ABLIM3: variants seen among roughly 807,000 people sequenced by gnomAD.
ABLIM3 encodes actin binding LIM protein family member 3.
ABLIM3 carries 61 observed loss-of-function variants against 109.5 expected under a neutral mutation model. The ratio of observed to expected loss-of-function variants is 0.56; its 90% CI spans 0.45 to 0.69. The LOEUF (loss-of-function observed/expected upper bound fraction) is 0.69. Among genes scored for constraint, ABLIM3 ranks in the 30% least tolerant of loss-of-function variants. The pLI, the probability that ABLIM3 is intolerant of heterozygous loss-of-function variation, is 0.00. For synonymous variants in ABLIM3, 300 were observed against 324.8 expected (o/e 0.92, Z 0.82); for missense variants, 796 against 889.5 (o/e 0.89, Z 1.34).
At chr5:149,147,241 G>A (rs1251891461) in intron 2 of ABLIM3, among the ~76,000 whole-genome samples, 1 of 152,082 alleles carries the variant, frequency 6.6e-6, no homozygotes, top group Non-Finnish European at 1.5e-5. Context: ...TTTGTATCCT[G>A]AGACTTCACT....
At chr5:149,196,793 CT>C (rs1324042229) in intron 3 of ABLIM3, among the ~76,000 whole-genome samples, 1 of 152,230 alleles carries the variant, frequency 6.6e-6, no homozygotes, top group Non-Finnish European at 1.5e-5. Flanking sequence ...TCTTTCTGCT[CT>C]GCCCATCATG....
Position 149,252,788 on chromosome 5 carries a change from C to T in ABLIM3, c.1889C>T (p.Thr630Ile). The change falls in exon 23 of 24, where the codon ACA becomes ATA. Residue 630 changes from threonine to isoleucine, a missense_variant. By Grantham distance (89) the Thr-to-Ile change is moderately conservative (BLOSUM62 -1). Coordinates refer to ENST00000309868, the MANE Select transcript of ABLIM3 (RefSeq NM_014945.5). Reference protein sequence around the residue: ...IYPYELLLVTTRGRNRLPKDV... With the variant: ...IYPYELLLVTIRGRNRLPKDV... ...CCTTATGAACTGCTGCTGGTGACTA[C>T]AAGAGGAAGAAACCGACTGCCCAAG... is the stretch of plus-strand genomic sequence containing the variant. 1.2e-6 allele frequency: 2 copies of T among 1,613,410 alleles called. No homozygotes were observed. Among genetic ancestry groups the T allele is most frequent in the African/African-American group, 1.3e-5 (1 of 74,996 alleles).
intron 1 of ABLIM3, 77 bp from the exon 2 acceptor site, chr5:149,141,932 A>G (rs1752492487): frequency 9.8e-7 from 1 of 1,023,478 alleles, no homozygotes; most frequent in African/African-American, 1.6e-5. Context: ...TACAGCCCAG[A>G]CAGAGAGGGG....
intron 9 of ABLIM3, among the ~76,000 whole-genome samples, chr5:149,232,591 C>A (rs183324928): frequency 1.4e-4 from 22 of 152,318 alleles, no homozygotes; most frequent in African/African-American, 5.3e-4. Flanking sequence ...TCAGCCTCTT[C>A]ATTTCACAGA....
chr5:149,248,879 CACACACACACACACACACACTCTG>C (rs1753664452), intron 18 of ABLIM3, among the ~76,000 whole-genome samples: 1 of 70,854 alleles, frequency 1.4e-5, no homozygotes, highest in Non-Finnish European at 4.9e-5. Flanking sequence ...CACACACACA[CACACACACACACACACACACTCTG>C]TCTGCCTCCT....
rs181791474 is a variant in ABLIM3 at position 149,245,070 on chromosome 5, C to T, written c.1486+55C>T. On this transcript the variant is annotated intron_variant, in intron 16 of 23. Coordinates refer to ENST00000309868, the MANE Select transcript of ABLIM3 (RefSeq NM_014945.5). ...GGCCCTAACACCTGTGCCAAGGACA[C>T]GGGTGTTCAGAACAGTTGCCCACTC... 7.5e-5 allele frequency: 120 copies of T among 1,609,134 alleles called. No individual in the cohort carries two copies. The East Asian group carries it at 2.2e-3, about 30-fold the overall frequency.
At chr5:149,239,134 A>T in intron 11 of ABLIM3, 114 bp from the exon 12 acceptor site, 1 of 1,004,414 alleles carries the variant, frequency 1.0e-6, no homozygotes. Context: ...GGTACAAAGG[A>T]ACTGCTGCAA....
At chr5:149,173,190 C>T (rs2127462885) in intron 2 of ABLIM3, among the ~76,000 whole-genome samples, 1 of 152,294 alleles carries the variant, frequency 6.6e-6, no homozygotes, top group South Asian at 2.1e-4. Context: ...GGGAAGGGTT[C>T]TGTCACATGG....
intron 2 of ABLIM3, among the ~76,000 whole-genome samples, chr5:149,151,213 C>G (rs1753403363): frequency 6.6e-6 from 1 of 152,212 alleles, no homozygotes; most frequent in East Asian, 1.9e-4. Flanking sequence ...CTCCCTGAGT[C>G]TTTTCACATC....
At chr5:149,229,472 G>C (rs1298586531) in intron 8 of ABLIM3, among the ~76,000 whole-genome samples, 1 of 152,192 alleles carries the variant, frequency 6.6e-6, no homozygotes, top group Non-Finnish European at 1.5e-5. Flanking sequence ...GGGCTGAGCA[G>C]AGACAAAAAA....
At chr5:149,230,821 AATGTGTGCCT>A in intron 9 of ABLIM3, 114 bp downstream of exon 9, 2 of 1,187,074 alleles carry the variant, frequency 1.7e-6, no homozygotes, top group South Asian at 2.6e-5. Flanking sequence ...CACACTCCCA[AATGTGTGCCT>A]ATGTCCTTGG....
intron 2 of ABLIM3, among the ~76,000 whole-genome samples, chr5:149,162,263 C>A (rs1754444377): frequency 6.6e-6 from 1 of 152,156 alleles, no homozygotes; most frequent in Admixed American, 6.5e-5. Flanking sequence ...CAACTCGACA[C>A]AGAAATTGAG....
At chr5:149,183,852 C>T (rs1756695275) in intron 3 of ABLIM3, among the ~76,000 whole-genome samples, 1 of 152,120 alleles carries the variant, frequency 6.6e-6, no homozygotes, top group African/African-American at 2.4e-5. Context: ...GCAAGTTTAA[C>T]TTACTCATCT....
intron 2 of ABLIM3, among the ~76,000 whole-genome samples, chr5:149,169,987 T>A (rs540341124): frequency 2.6e-5 from 4 of 152,318 alleles, no homozygotes; most frequent in Admixed American, 1.3e-4. Flanking sequence ...TTTTTTTAAC[T>A]TTTATATTAA....
At position 149,259,668 on chromosome 5, in the gene ABLIM3, G is replaced by A. The variant is rs1273672401; in HGVS notation, c.*1264G>A. 1.4e-6 allele frequency: 2 copies of A among 1,387,460 alleles called. No homozygotes were observed. The highest frequency in any genetic ancestry group is 2.0e-5 in the Admixed American group (1 of 50,716). 85.9% of individuals were successfully genotyped at this position (1,387,460 alleles called of 1,614,324 possible). A position where few individuals can be genotyped will look rare whatever the true frequency, so the allele number is the denominator to read the frequency against. ...CCTGCTCGCCTCCCTGAACAGGGGAGAAAGCTTAACCTCTCTTCTCCTCTC... is the reference window on the plus strand; with the variant it reads ...CCTGCTCGCCTCCCTGAACAGGGGAAAAAGCTTAACCTCTCTTCTCCTCTC... On this transcript the variant is annotated 3_prime_UTR_variant, in exon 24 of 24. Coordinates refer to ENST00000309868, the MANE Select transcript of ABLIM3 (RefSeq NM_014945.5).
intron 2 of ABLIM3, among the ~76,000 whole-genome samples, chr5:149,153,626 T>C (rs942248727): frequency 6.6e-6 from 1 of 152,192 alleles, no homozygotes; most frequent in African/African-American, 2.4e-5. Context: ...AGCCCGTATA[T>C]TCCCAGAAAT....
intron 2 of ABLIM3, 140 bp from the exon 3 acceptor site, chr5:149,183,312 T>C: frequency 2.0e-6 from 2 of 1,020,884 alleles, no homozygotes; most frequent in South Asian, 4.1e-5. Flanking sequence ...GCAGTCATCC[T>C]GATGATGAAT....
At chr5:149,211,272 TC>T (rs557793418) in intron 7 of ABLIM3, among the ~76,000 whole-genome samples, 79 of 152,270 alleles carry the variant, frequency 5.2e-4, no homozygotes, top group Non-Finnish European at 9.7e-4. Context: ...CTTTGGTGGG[TC>T]CATCACCATG....
Position 149,240,480 on chromosome 5 carries a change from G to C in ABLIM3, c.1205-196G>C. 5 of 593,192 alleles carry C rather than the reference G, an allele frequency of 8.4e-6. No individual in the cohort carries two copies. In the East Asian group the frequency reaches 1.4e-4, roughly 16 times the overall value. 36.7% of individuals were successfully genotyped at this position (593,192 alleles called of 1,614,324 possible). A position where few individuals can be genotyped will look rare whatever the true frequency, so the allele number is the denominator to read the frequency against. On this transcript the variant is annotated intron_variant, in intron 13 of 23. Coordinates refer to ENST00000309868, the MANE Select transcript of ABLIM3 (RefSeq NM_014945.5). ...CTTTGGGATCAAGCCAGGAAGCAAA[G>C]TCAAGCTTGTTTCTGCCAACGTGGT...
Sources: gnomAD v4.1 joint callset for allele counts (sites outside exome capture counted in the v4.1 genomes callset) on GRCh38, gnomAD v4.1.1 for gene constraint, MANE v1.5 for transcripts, NCBI Gene and HGNC (gene_info 2026-07-23, HGNC 2026-07-21) for gene names.